Variants in C1orf21 observed in about 807,000 individuals in gnomAD.
The protein encoded by C1orf21 is uncharacterized protein C1orf21.
A neutral mutation model predicts 18.7 loss-of-function variants in C1orf21; 3 were observed. The ratio of observed to expected loss-of-function variants is 0.16; its 90% CI spans 0.07 to 0.42. The LOEUF is 0.42. Ranked by LOEUF, C1orf21 falls within the 10% of genes least tolerant of loss-of-function variation. The pLI, the probability that C1orf21 is intolerant of heterozygous loss-of-function variation, is 0.99. For missense variants in C1orf21, 104 were observed against 143.6 expected (o/e 0.72, Z 1.41); for synonymous variants, 41 against 46.4 (o/e 0.88, Z 0.47).
At chr1:184,395,379 C>T (rs16823097) in intron 1 of C1orf21, among the ~76,000 whole-genome samples, 18,594 of 152,034 alleles carry the variant, frequency 0.12, 1,184 homozygotes, top group East Asian at 0.15. Flanking sequence ...GAAGTATAGT[C>T]TGGAATGAGA....
chr1:184,410,825 T>C (rs1289888275), intron 1 of C1orf21, among the ~76,000 whole-genome samples: 2 of 147,476 alleles, frequency 1.4e-5, no homozygotes, highest in African/African-American at 5.1e-5. Flanking sequence ...CTAATTTTTG[T>C]ATTTTTAGTA....
intron 1 of C1orf21, among the ~76,000 whole-genome samples, chr1:184,472,550 A>G (rs1657510187): frequency 1.3e-5 from 2 of 152,232 alleles, no homozygotes; most frequent in African/African-American, 4.8e-5. Flanking sequence ...TTATGTAAAT[A>G]GAAATATTTT....
At chr1:184,495,684 G>A (rs1196348064) in intron 2 of C1orf21, among the ~76,000 whole-genome samples, 1 of 152,060 alleles carries the variant, frequency 6.6e-6, no homozygotes, top group Non-Finnish European at 1.5e-5. Context: ...CACTTTGGGA[G>A]GCCAAGGCGG....
intron 2 of C1orf21, among the ~76,000 whole-genome samples, chr1:184,478,706 T>A (rs1033506073): frequency 6.6e-6 from 1 of 152,198 alleles, no homozygotes. Context: ...GATGATTATT[T>A]TGAAGTATGG....
At chr1:184,423,508 C>T (rs912362322) in intron 1 of C1orf21, among the ~76,000 whole-genome samples, 6 of 152,080 alleles carry the variant, frequency 3.9e-5, no homozygotes, top group Non-Finnish European at 8.8e-5. Flanking sequence ...AGGGTGACAT[C>T]AACAGAACTG....
At chr1:184,612,367 A>G (rs2102009211) in intron 5 of C1orf21, among the ~76,000 whole-genome samples, 1 of 152,338 alleles carries the variant, frequency 6.6e-6, no homozygotes. Context: ...TGCTGACTCC[A>G]TTGCCCTACC....
rs567732102 is a variant in C1orf21, at chr1:184,401,515, C to T, written c.-125+14147C>T. ...GTACTGGGATTACAGGTGTGAGCCA[C>T]GGCGCCCAGCCCCCTTTATTTTATA... On this transcript the variant is annotated intron_variant, in intron 1 of 5. Transcript: ENST00000235307. 3.6e-4 allele frequency among the ~76,000 whole-genome samples: 55 copies of T among 152,272 alleles called. 1 individual carries two copies. Among genetic ancestry groups the T allele is most frequent in the South Asian group, 3.3e-3 (16 of 4,824 alleles).
intron 1 of C1orf21, among the ~76,000 whole-genome samples, chr1:184,420,040 A>C (rs1339000611): frequency 6.6e-6 from 1 of 152,192 alleles, no homozygotes; most frequent in East Asian, 1.9e-4. Context: ...GGACACCATT[A>C]ATTCCTTCAT....
chr1:184,467,987 G>GT (rs1657428840), intron 1 of C1orf21, among the ~76,000 whole-genome samples: 1 of 148,928 alleles, frequency 6.7e-6, no homozygotes, highest in Non-Finnish European at 1.5e-5. Context: ...GAGCTTTTAT[G>GT]GTGTGTGTGT....
intron 2 of C1orf21, among the ~76,000 whole-genome samples, chr1:184,489,588 A>C (rs1226072524): frequency 1.3e-5 from 2 of 152,174 alleles, no homozygotes; most frequent in Non-Finnish European, 2.9e-5. Context: ...TTAGGAACGT[A>C]ATTGGACAAG....
Position 184,623,128 on chromosome 1 carries a change from G to T in C1orf21, c.*3572G>T, listed in dbSNP as rs1659950840. The T allele has an allele frequency of 1.3e-5, 2 of 152,182 alleles. No individual in the cohort carries two copies. The highest frequency in any genetic ancestry group is 2.9e-5 in the Non-Finnish European group (2 of 68,046). 9.4% of individuals were successfully genotyped at this position (152,182 alleles called of 1,614,324 possible). ...AGCCTGTGAAGCAGGTTGGCATGTG[G>T]ATTACAAGTCCTGCTTTGACACTGG... On this transcript the variant is annotated 3_prime_UTR_variant, in exon 6 of 6. Transcript: ENST00000235307.
intron 1 of C1orf21, among the ~76,000 whole-genome samples, chr1:184,453,631 T>C (rs1370693523): frequency 3.3e-5 from 5 of 151,994 alleles, no homozygotes; most frequent in African/African-American, 9.7e-5. Flanking sequence ...TTTTAGTTTG[T>C]AATCTCTGAA....
intron 1 of C1orf21, among the ~76,000 whole-genome samples, chr1:184,401,431 C>T (rs1385897739): frequency 6.6e-6 from 1 of 152,042 alleles, no homozygotes; most frequent in Non-Finnish European, 1.5e-5. Context: ...ACGCAGCCAG[C>T]CTGGTCTGGA....
chr1:184,589,171 G>A (rs750088059), intron 3 of C1orf21, among the ~76,000 whole-genome samples: 1 of 152,118 alleles, frequency 6.6e-6, no homozygotes, highest in Non-Finnish European at 1.5e-5. Context: ...AAAGAGTTGC[G>A]GAAATTATGT....
chr1:184,434,643 C>A (rs1656828833), intron 1 of C1orf21, among the ~76,000 whole-genome samples: 1 of 152,084 alleles, frequency 6.6e-6, no homozygotes. Flanking sequence ...CTGTGAGTGG[C>A]AGCACTGGGT....
At chr1:184,529,318 A>G (rs1412591808) in intron 3 of C1orf21, among the ~76,000 whole-genome samples, 1 of 152,184 alleles carries the variant, frequency 6.6e-6, no homozygotes, top group African/African-American at 2.4e-5. Context: ...AGTGAAAGAT[A>G]CAGGATTTTA....
At chr1:184,492,032 A>G (rs1006252473) in intron 2 of C1orf21, among the ~76,000 whole-genome samples, 9 of 152,174 alleles carry the variant, frequency 5.9e-5, no homozygotes, top group African/African-American at 1.9e-4. Flanking sequence ...TTTAATCTCA[A>G]TTTCTCAGTT....
At chr1:184,428,441 C>T (rs1571353198) in intron 1 of C1orf21, among the ~76,000 whole-genome samples, 1 of 152,068 alleles carries the variant, frequency 6.6e-6, no homozygotes, top group Non-Finnish European at 1.5e-5. Flanking sequence ...AGTGGTCTAC[C>T]AGGTAATTTG....
chr1:184,597,545 A>C (rs1659532867), intron 4 of C1orf21, among the ~76,000 whole-genome samples: 1 of 152,120 alleles, frequency 6.6e-6, no homozygotes, highest in Non-Finnish European at 1.5e-5. Context: ...GTAGGCACTG[A>C]TAGTAACTAA....
Sources: gnomAD v4.1 joint callset for allele counts (sites outside exome capture counted in the v4.1 genomes callset) on GRCh38, gnomAD v4.1.1 for gene constraint, MANE v1.5 for transcripts, NCBI Gene and HGNC (gene_info 2026-07-23, HGNC 2026-07-21) for gene names.